The following SUGCT variants were observed in gnomAD, a reference collection of about 807,000 sequenced individuals.
SUGCT encodes succinyl-CoA:glutarate CoA-transferase.
In SUGCT, 41 loss-of-function variants were observed where a neutral mutation model predicts 55.0. That is an observed-to-expected ratio of 0.74 (90% CI 0.58 to 0.97). The LOEUF (loss-of-function observed/expected upper bound fraction) is 0.97, where lower values mean the gene tolerates loss of function less well. SUGCT is among the 50% of genes least tolerant of loss of function. The probability of loss-of-function intolerance (pLI) is 0.00; values close to 1 mark genes in which losing one functional copy is unlikely to be tolerated. For missense variants in SUGCT, 568 were observed against 547.8 expected (o/e 1.04, Z -0.37); for synonymous variants, 187 against 200.4 (o/e 0.93, Z 0.56).
the SUGCT span, among the ~76,000 whole-genome samples, chr7:41,033,869 T>A: frequency 2.0e-5 from 3 of 151,926 alleles, no homozygotes; most frequent in Admixed American, 6.6e-5. Flanking sequence ...CAGCAAGGTC[T>A]TGAAGAAAAT....
At chr7:40,929,729 C>G in the SUGCT span, among the ~76,000 whole-genome samples, 36 of 152,142 alleles carry the variant, frequency 2.4e-4, no homozygotes, top group Non-Finnish European at 3.1e-4. Context: ...CTTTTGAGAA[C>G]TGTCTGTTCA....
the SUGCT span, among the ~76,000 whole-genome samples, chr7:40,963,975 T>A: frequency 6.6e-6 from 1 of 152,232 alleles, no homozygotes; most frequent in African/African-American, 2.4e-5. Context: ...GCAATTGTTT[T>A]TCCTTCACAT....
At chr7:40,938,641 A>C in the SUGCT span, among the ~76,000 whole-genome samples, 2 of 152,270 alleles carry the variant, frequency 1.3e-5, no homozygotes, top group South Asian at 4.1e-4. Context: ...TTACTGTATT[A>C]GATATTAGAT....
intron 1 of SUGCT, among the ~76,000 whole-genome samples, chr7:40,166,605 G>C (rs1399238284): frequency 1.3e-5 from 2 of 152,068 alleles, no homozygotes. Flanking sequence ...ACAATTCCAT[G>C]GCTGGGCATG....
the SUGCT span, among the ~76,000 whole-genome samples, chr7:40,907,682 ATTTG>A: frequency 0.027 from 4,137 of 152,222 alleles, 173 homozygotes; most frequent in African/African-American, 0.094. Context: ...TTGAATCCAG[ATTTG>A]TTTAACATCA....
intron 8 of SUGCT, among the ~76,000 whole-genome samples, chr7:40,284,608 CAA>C (rs35152488): frequency 7.4e-5 from 8 of 108,180 alleles, no homozygotes; most frequent in Non-Finnish European, 5.9e-5. Context: ...ATTCCATTTC[CAA>C]AAAAAAAAAA....
intron 1 of SUGCT, among the ~76,000 whole-genome samples, chr7:40,135,338 G>A (rs2150564175): frequency 6.6e-6 from 1 of 152,352 alleles, no homozygotes; most frequent in South Asian, 2.1e-4. Flanking sequence ...TTGTGACCGA[G>A]GGCTCCGTGC....
chr7:40,235,226 A>G (rs1219476801), intron 6 of SUGCT, among the ~76,000 whole-genome samples: 1 of 152,134 alleles, frequency 6.6e-6, no homozygotes, highest in East Asian at 1.9e-4. Context: ...GACAAAGATC[A>G]TTTCTGGTGG....
intron 12 of SUGCT, among the ~76,000 whole-genome samples, chr7:40,688,209 T>C (rs1206539106): frequency 6.6e-6 from 1 of 152,204 alleles, no homozygotes; most frequent in African/African-American, 2.4e-5. Flanking sequence ...CTTTCTTCCA[T>C]GTGACAATGT....
chr7:40,449,237 G>T (rs756955628), intron 9 of SUGCT, 50 bp from the exon 10 acceptor site: 47 of 1,250,944 alleles, frequency 3.8e-5, no homozygotes, highest in Non-Finnish European at 5.4e-5. Flanking sequence ...AAACTTTTGT[G>T]GTCTTGTCAA....
rs190673704 is a variant in SUGCT at position 40,359,124 on chromosome 7, C to A, written c.816+42269C>A. Among the ~76,000 whole-genome samples, 17 of 152,306 alleles carry A rather than the reference C, an allele frequency of 1.1e-4. No individual in the cohort carries two copies. The Middle Eastern group carries it at 0.01, about 91-fold the overall frequency. On this transcript the variant is annotated intron_variant, in intron 9 of 13. Transcript: ENST00000335693. ...AACTCAGAGGCATTTCTTATTCCAG[C>A]AGCATTAGCTTTATGTTCTGTCATG...
At chr7:40,837,567 C>T (rs1793051850) in intron 13 of SUGCT, among the ~76,000 whole-genome samples, 1 of 151,920 alleles carries the variant, frequency 6.6e-6, no homozygotes, top group Non-Finnish European at 1.5e-5. Flanking sequence ...AATTCTGTGA[C>T]CATTTTGAGT....
At chr7:40,192,541 A>G (rs1785974395) in intron 5 of SUGCT, among the ~76,000 whole-genome samples, 1 of 152,212 alleles carries the variant, frequency 6.6e-6, no homozygotes. Context: ...AAAAGTTGAA[A>G]GAATAATGAA....
At chr7:40,976,813 A>G in the SUGCT span, among the ~76,000 whole-genome samples, 9,850 of 152,296 alleles carry the variant, frequency 0.065, 457 homozygotes, top group South Asian at 0.21. Context: ...TTAAAGCAAC[A>G]GTCAAATGAG....
chr7:40,866,096 C>T, the SUGCT span, among the ~76,000 whole-genome samples: 1 of 152,112 alleles, frequency 6.6e-6, no homozygotes, highest in South Asian at 2.1e-4. Flanking sequence ...GAACTTTGCA[C>T]GAGTACTCAC....
intron 12 of SUGCT, among the ~76,000 whole-genome samples, chr7:40,496,957 C>CTTTTTGGAGCCTT (rs1269481829): frequency 6.6e-6 from 1 of 152,110 alleles, no homozygotes; most frequent in Non-Finnish European, 1.5e-5. Flanking sequence ...TATCAGGCTC[C>CTTTTTGGAGCCTT]TTTTTGGGCT....
intron 1 of SUGCT, among the ~76,000 whole-genome samples, chr7:40,144,366 A>C (rs1039712502): frequency 3.3e-5 from 5 of 152,246 alleles, no homozygotes; most frequent in Non-Finnish European, 7.3e-5. Context: ...AAAGAGAGTG[A>C]AATTTTTCTT....
At chr7:40,136,226 G>A (rs539876449) in intron 1 of SUGCT, among the ~76,000 whole-genome samples, 13 of 152,280 alleles carry the variant, frequency 8.5e-5, no homozygotes, top group African/African-American at 2.9e-4. Flanking sequence ...TCAAATTCCT[G>A]GGCTCAAGTG....
the SUGCT span, among the ~76,000 whole-genome samples, chr7:40,991,658 C>G: frequency 2.0e-5 from 3 of 152,074 alleles, no homozygotes; most frequent in Admixed American, 6.5e-5. Context: ...TTACTTCCTC[C>G]CGTTTGACCA....
Sources: gnomAD v4.1 joint callset for allele counts (sites outside exome capture counted in the v4.1 genomes callset) on GRCh38, gnomAD v4.1.1 for gene constraint, MANE v1.5 for transcripts, NCBI Gene and HGNC (gene_info 2026-07-23, HGNC 2026-07-21) for gene names.